SSC4D: variants seen among roughly 807,000 people sequenced by gnomAD.
SSC4D encodes scavenger receptor cysteine-rich domain-containing group B protein.
Under a neutral mutation model 63.4 loss-of-function variants are expected in SSC4D, and 57 were observed. The ratio of observed to expected loss-of-function variants is 0.90; its 90% CI spans 0.73 to 1.12. The LOEUF (loss-of-function observed/expected upper bound fraction) is 1.12, where lower values mean the gene tolerates loss of function less well. Ranked by LOEUF, SSC4D falls within the 50% of genes most tolerant of loss-of-function variation. SSC4D has a pLI of 0.00. For synonymous variants in SSC4D, 352 were observed against 345.4 expected (o/e 1.02, Z -0.21); for missense variants, 791 against 806.4 (o/e 0.98, Z 0.23).
At chr7:76,400,907 C>A (rs1804802585) in intron 3 of SSC4D, 101 bp downstream of exon 3, 6 of 1,473,794 alleles carry the variant, frequency 4.1e-6, no homozygotes, top group South Asian at 1.2e-5. Flanking sequence ...CATCTAGAGT[C>A]AAGGGGGGCT....
chr7:76,405,335 C>CTTTTTTT (rs1563687084), intron 1 of SSC4D, among the ~76,000 whole-genome samples: 1 of 29,158 alleles, frequency 3.4e-5, no homozygotes, highest in African/African-American at 1.5e-4. Context: ...TTCTTTCTTT[C>CTTTTTTT]TTTCTTTTTT....
chr7:76,404,629 CA>C (rs1804941323), intron 1 of SSC4D, 124 bp from the exon 2 acceptor site: 1 of 754,318 alleles, frequency 1.3e-6, no homozygotes. Flanking sequence ...CCCATCTCTA[CA>C]AAAAGTTTTT....
rs758428000 is a variant in SSC4D at position 76,400,369 on chromosome 7, T to C, written c.392A>G (p.Glu131Gly). ...GCTGCCGCACTCGCTCAGCGCAGCT[T>C]CCTGCCCGCGGCACTCCACGTTGTC... ...LLDNVECRGQ[E>G]AALSECGSRG... The change falls in exon 4 of 11, where the codon GAA becomes GGA. Residue 131 changes from glutamate (E) to glycine (G), a missense_variant. Physicochemically the swap from Glu to Gly is moderately conservative, Grantham distance 98. Transcript: ENST00000275560. 1.9e-6 allele frequency: 3 copies of C among 1,586,862 alleles called. No homozygotes were observed. The highest frequency in any genetic ancestry group is 2.6e-6 in the Non-Finnish European group (3 of 1,163,130).
At chr7:76,408,930 A>G (rs1302597597) in intron 1 of SSC4D, among the ~76,000 whole-genome samples, 1 of 152,180 alleles carries the variant, frequency 6.6e-6, no homozygotes, top group Non-Finnish European at 1.5e-5. Flanking sequence ...TCCTAGCTGT[A>G]TGACCTTCAC....
chr7:76,395,286 T>C lies in SSC4D; in HGVS notation c.913A>G (p.Arg305Gly). ...TLTALPSSAT[R>G]EDWAWQTDPS... ...TCTGTCTGCCAAGCCCAGTCCTCTC[T>C]TGTGGCTGAGGATGGCAGTGCTGTG... is the stretch of plus-strand genomic sequence containing the variant. Residue 305 changes from arginine (R) to glycine (G), a missense_variant, in exon 7 of 11, where the codon AGA (arginine) becomes GGA (glycine). Coordinates refer to ENST00000275560, the MANE Select transcript of SSC4D (RefSeq NM_080744.2). The C allele has an allele frequency of 1.2e-6, 2 of 1,613,894 alleles. No homozygotes were observed. The highest frequency in any genetic ancestry group is 1.3e-5 in the African/African-American group (1 of 75,046).
chr7:76,392,288 C>T (rs961604782), intron 9 of SSC4D, among the ~76,000 whole-genome samples: 3 of 152,114 alleles, frequency 2.0e-5, no homozygotes, highest in Non-Finnish European at 4.4e-5. Flanking sequence ...GTGGCTCACA[C>T]CTGTAATCCC....
In SSC4D at chr7:76,390,309, C is replaced by T. The variant is rs751804419; in HGVS notation, c.1478G>A (p.Arg493Gln). The T allele has an allele frequency of 5.0e-6, 8 of 1,611,042 alleles. No homozygotes were observed. Among genetic ancestry groups the T allele is most frequent in the East Asian group, 2.2e-5 (1 of 44,734 alleles). Reference protein sequence around the residue: ...EGRVELYLGQRWGTVCDDAWD... With the variant: ...EGRVELYLGQQWGTVCDDAWD... ...AGCATCATCACAGACAGTGCCCCAC[C>T]GTTGCCCTAGGTAGAGCTCTACACG... is the stretch of plus-strand genomic sequence containing the variant. Residue 493 changes from arginine to glutamine, a missense_variant, in exon 11 of 11, where the codon CGG becomes CAG. Arg to Gln is a conservative substitution (Grantham distance 43). Transcript: ENST00000275560.
At chr7:76,406,890 T>A (rs903218934) in intron 1 of SSC4D, among the ~76,000 whole-genome samples, 2 of 152,112 alleles carry the variant, frequency 1.3e-5, no homozygotes, top group African/African-American at 2.4e-5. Context: ...TATTTGTGTG[T>A]CATGGTAACT....
In SSC4D at chr7:76,397,795, C is replaced by T. The variant is rs1177445140; in HGVS notation, c.591G>A (p.Leu197=). The change falls in exon 6 of 11, where the codon CTG becomes CTA. Residue 197 remains leucine (L), a synonymous_variant. Transcript: ENST00000275560. ...GSVRLVGGAN[L]CQGRVEILHS... ...GCAGGATCTCCACTCGGCCCTGACA[C>T]AGGTTCGCGCCCCCTACCAGGCGTA... 6.2e-7 allele frequency: 1 copy of T among 1,603,136 alleles called. No homozygotes were observed. Among genetic ancestry groups the T allele is most frequent in the Non-Finnish European group, 8.5e-7 (1 of 1,173,200 alleles).
intron 2 of SSC4D, among the ~76,000 whole-genome samples, 187 bp from the exon 3 acceptor site, chr7:76,401,230 C>T (rs1436775560): frequency 2.0e-5 from 3 of 152,054 alleles, no homozygotes; most frequent in African/African-American, 7.2e-5. Context: ...CCTGCCTCAC[C>T]CCTCTCCTAG....
At position 76,395,396 on chromosome 7, in the gene SSC4D, G is replaced by C. The variant is rs1307111645; in HGVS notation, c.869-66C>G. On this transcript the variant is annotated intron_variant, in intron 6 of 10. Transcript: ENST00000275560. ...TCTGGTCTCTGGTCAGCCATGGGCT[G>C]TCAGGGGAGGATAGGAGGGTCTGCC... 6.6e-6 allele frequency: 10 copies of C among 1,517,234 alleles called. No homozygotes were observed. In the African/African-American group the frequency reaches 1.4e-4, roughly 21 times the overall value. 94.0% of individuals were successfully genotyped at this position (1,517,234 alleles called of 1,614,324 possible).
At chr7:76,398,901 A>G (rs1353509515) in intron 4 of SSC4D, 104 bp from the exon 5 acceptor site, 2 of 1,178,518 alleles carry the variant, frequency 1.7e-6, no homozygotes. Flanking sequence ...GCTTGCCGCC[A>G]GAGCCTCTGG....
intron 1 of SSC4D, among the ~76,000 whole-genome samples, chr7:76,406,881 A>G (rs939317326): frequency 6.6e-6 from 1 of 151,168 alleles, no homozygotes; most frequent in Non-Finnish European, 1.5e-5. Flanking sequence ...TTTTTTATGT[A>G]TTTGTGTGTC....
Position 76,390,295 on chromosome 7 carries a change from A to T in SSC4D, c.1492T>A (p.Cys498Ser). 1 of 1,613,894 alleles carries T rather than the reference A, an allele frequency of 6.2e-7. No homozygotes were observed. Among genetic ancestry groups the T allele is most frequent in the Non-Finnish European group, 8.5e-7 (1 of 1,179,916 alleles). The change falls in exon 11 of 11, where the codon TGT (cysteine) becomes AGT (serine). Residue 498 changes from cysteine to serine, a missense_variant. By Grantham distance (112) the Cys-to-Ser change is moderately radical. Transcript: ENST00000275560. ...LYLGQRWGTV[C>S]DDAWDLRAAG... Reference sequence around the variant, plus strand: ...GCCCGCAGGTCCCAAGCATCATCACAGACAGTGCCCCACCGTTGCCCTAGG... The same window carrying T: ...GCCCGCAGGTCCCAAGCATCATCACTGACAGTGCCCCACCGTTGCCCTAGG...
intron 6 of SSC4D, 50 bp from the exon 7 acceptor site, chr7:76,395,380 T>C (rs1339597813): frequency 1.3e-6 from 2 of 1,569,830 alleles, no homozygotes; most frequent in Non-Finnish European, 1.8e-6. Context: ...TTCTGGTCTC[T>C]GGTCAGCCAT....
chr7:76,402,383 T>C (rs887532321), intron 2 of SSC4D, among the ~76,000 whole-genome samples: 14 of 152,076 alleles, frequency 9.2e-5, no homozygotes, highest in Non-Finnish European at 1.3e-4. Flanking sequence ...GGTCTCACCA[T>C]GTTGGCCAGG....
rs756141956 is a variant in SSC4D, at chr7:76,389,852, G to A, written c.*207C>T. 1.6e-6 allele frequency: 1 copy of A among 636,810 alleles called. No individual in the cohort carries two copies. Among genetic ancestry groups the A allele is most frequent in the Non-Finnish European group, 2.7e-6 (1 of 372,820 alleles). 39.4% of individuals were successfully genotyped at this position (636,810 alleles called of 1,614,324 possible). A position where few individuals can be genotyped will look rare whatever the true frequency, so the allele number is the denominator to read the frequency against. ...CTTTCACTGAATTGGGCTCACAACA[G>A]TCGATGACAGGCTGAGGTCACGCAG... is the stretch of plus-strand genomic sequence containing the variant. On this transcript the variant is annotated 3_prime_UTR_variant, in exon 11 of 11. Transcript: ENST00000275560.
chr7:76,405,271 T>TTA (rs1171830870), intron 1 of SSC4D, among the ~76,000 whole-genome samples: 147 of 9,088 alleles, frequency 0.016, 3 homozygotes, highest in Admixed American at 0.02. Context: ...ACCCAGCTAA[T>TTA]TATATATATA....
intron 2 of SSC4D, 138 bp from the exon 3 acceptor site, chr7:76,401,181 G>A: frequency 8.0e-7 from 1 of 1,243,354 alleles, no homozygotes; most frequent in Non-Finnish European, 1.1e-6. Flanking sequence ...CTTTGCCAAA[G>A]CCCCATTGTC....
Sources: gnomAD v4.1 joint callset for allele counts (sites outside exome capture counted in the v4.1 genomes callset) on GRCh38, gnomAD v4.1.1 for gene constraint, MANE v1.5 for transcripts, NCBI Gene and HGNC (gene_info 2026-07-23, HGNC 2026-07-21) for gene names.